Variants in ACSM5 observed in about 807,000 individuals in gnomAD.
The protein encoded by ACSM5 is acyl-coenzyme A synthetase ACSM5, mitochondrial.
A neutral mutation model predicts 71.6 loss-of-function variants in ACSM5; 56 were observed. That is an observed-to-expected ratio of 0.78 (90% CI 0.63 to 0.98). ACSM5 has a LOEUF of 0.98. ACSM5 is among the 50% of genes least tolerant of loss of function. The pLI is 0.00. For synonymous variants in ACSM5, 285 were observed against 281.5 expected (o/e 1.01, Z -0.12); for missense variants, 723 against 726.0 (o/e 1.00, Z 0.05).
chr16:20,431,099 A>C, intron 9 of ACSM5, 26 bp downstream of exon 9: 1 of 1,608,678 alleles, frequency 6.2e-7, no homozygotes, highest in Non-Finnish European at 8.5e-7. Flanking sequence ...AACTTCTGGC[A>C]AGGCCTGGCA....
At chr16:20,424,163 C>T in intron 6 of ACSM5, 94 bp downstream of exon 6, 1 of 1,479,378 alleles carries the variant, frequency 6.8e-7, no homozygotes, top group Non-Finnish European at 9.1e-7. Flanking sequence ...ACACATAAAT[C>T]AGTGAATTTA....
At chr16:20,430,299 C>T (rs1443716608) in intron 8 of ACSM5, among the ~76,000 whole-genome samples, 3 of 151,430 alleles carry the variant, frequency 2.0e-5, no homozygotes, top group African/African-American at 4.9e-5. Context: ...ACCAGCAAAC[C>T]AGCCCTCACT....
In ACSM5 at chr16:20,437,189, T is replaced by C. The variant is rs1035897236; in HGVS notation, c.1436+10T>C. On this transcript the variant is annotated intron_variant, in intron 11 of 13. Coordinates refer to ENST00000331849, the MANE Select transcript of ACSM5 (RefSeq NM_017888.3). ...TGATCAATTCTTCAAGGTCAAGCTG[T>C]CTGCACTTTCCTCCTTCCTTTGAAA... 6.2e-7 allele frequency: 1 copy of C among 1,614,172 alleles called. No homozygotes were observed. The highest frequency in any genetic ancestry group is 8.5e-7 in the Non-Finnish European group (1 of 1,180,002).
At chr16:20,429,450 T>A (rs1967051007) in intron 7 of ACSM5, among the ~76,000 whole-genome samples, 1 of 152,206 alleles carries the variant, frequency 6.6e-6, no homozygotes, top group Non-Finnish European at 1.5e-5. Flanking sequence ...ACCTATTATA[T>A]GAGCTTCTGA....
In ACSM5 at chr16:20,440,721, T is replaced by C; in HGVS notation, c.*294T>C. ...ACTGGTCTCACTAAGAGCTTTCAGA[T>C]TTCCCTCCATAGGACAGGTTACCAT... On this transcript the variant is annotated 3_prime_UTR_variant, in exon 14 of 14. Transcript: ENST00000331849. 1 of 301,760 alleles carries C rather than the reference T, an allele frequency of 3.3e-6. No homozygotes were observed. Among genetic ancestry groups the C allele is most frequent in the Non-Finnish European group, 6.4e-6 (1 of 155,130 alleles). The allele number at this position is 301,760 out of a possible 1,614,324, so 18.7% of individuals were successfully genotyped here.
intron 10 of ACSM5, among the ~76,000 whole-genome samples, chr16:20,434,219 T>C (rs1001381271): frequency 1.3e-5 from 2 of 152,222 alleles, no homozygotes; most frequent in African/African-American, 4.8e-5. Context: ...ACATATTCAA[T>C]AGTTTCTTCC....
chr16:20,423,907 T>A lies in ACSM5; in HGVS notation c.768-9T>A, dbSNP rs1269957197. On this transcript the variant is annotated splice_polypyrimidine_tract_variant and intron_variant, in intron 5 of 13. Transcript: ENST00000331849. The stretch of plus-strand genomic sequence containing the variant: ...GCCAAGGTTACTGACGTTCTCTAAT[T>A]TTTGGCAGACGGTGGGTGGCCTTGA... 3.1e-6 allele frequency: 5 copies of A among 1,613,722 alleles called. No homozygotes were observed. Among genetic ancestry groups the A allele is most frequent in the Non-Finnish European group, 4.2e-6 (5 of 1,179,910 alleles).
At chr16:20,434,431 C>A (rs1428476490) in intron 10 of ACSM5, among the ~76,000 whole-genome samples, 1 of 152,132 alleles carries the variant, frequency 6.6e-6, no homozygotes, top group African/African-American at 2.4e-5. Context: ...TGGTTGCTCA[C>A]GACTGTAATC....
chr16:20,416,807 G>A (rs192990009), intron 2 of ACSM5, among the ~76,000 whole-genome samples: 277 of 152,120 alleles, frequency 1.8e-3, no homozygotes, highest in African/African-American at 6.2e-3. Flanking sequence ...TATTGGTTAA[G>A]GGTCTAGTAT....
intron 10 of ACSM5, 91 bp downstream of exon 10, chr16:20,431,412 T>C: frequency 2.0e-6 from 2 of 1,024,702 alleles, no homozygotes; most frequent in Admixed American, 1.8e-5. Context: ...GTTTAATCCT[T>C]ACAATGACTG....
In ACSM5 at chr16:20,428,868, T is replaced by C. The variant is rs549583763; in HGVS notation, c.1002-810T>C. ...TGTACTTGCAGTCACTGTTCTTTTT[T>C]ATAATTTGGATGATTTGTTGAACAG... On this transcript the variant is annotated intron_variant, in intron 7 of 13. Coordinates refer to ENST00000331849, the MANE Select transcript of ACSM5 (RefSeq NM_017888.3). Among the ~76,000 whole-genome samples the C allele has an allele frequency of 7.2e-5, 11 of 152,326 alleles. No individual in the cohort carries two copies. The South Asian group carries it at 2.3e-3, about 32-fold the overall frequency.
chr16:20,422,899 A>G, intron 5 of ACSM5, among the ~76,000 whole-genome samples: 1 of 152,194 alleles, frequency 6.6e-6, no homozygotes, highest in Non-Finnish European at 1.5e-5. Context: ...AACTGGAAGC[A>G]CTAAATGATG....
chr16:20,418,225 G>A lies in ACSM5; in HGVS notation c.371G>A (p.Arg124Gln), dbSNP rs146312585. ...GACAGAATGATGCTGGTACTCCCAC[G>A]GCTCCCGGAGTGGTGGCTGGTCAGT... Reference protein sequence around the residue: ...PGDRMMLVLPRLPEWWLVSVA... With the variant: ...PGDRMMLVLPQLPEWWLVSVA... The change falls in exon 3 of 14, where the codon CGG becomes CAG. Residue 124 changes from arginine (R) to glutamine (Q), a missense_variant. Transcript: ENST00000331849. The A allele has an allele frequency of 5.0e-6, 8 of 1,612,326 alleles. No individual in the cohort carries two copies. The highest frequency in any genetic ancestry group is 4.4e-5 in the South Asian group (4 of 90,984).
intron 6 of ACSM5, among the ~76,000 whole-genome samples, chr16:20,427,041 AC>A: frequency 6.6e-6 from 1 of 151,500 alleles, no homozygotes; most frequent in South Asian, 2.1e-4. Context: ...AGTGGTTCAT[AC>A]CTGTAATCCC....
intron 5 of ACSM5, among the ~76,000 whole-genome samples, chr16:20,421,877 A>G (rs1966888555): frequency 6.7e-6 from 1 of 150,278 alleles, no homozygotes; most frequent in South Asian, 2.1e-4. Context: ...CTCTCCCCTC[A>G]CCCCTGGTAA....
intron 3 of ACSM5, 124 bp downstream of exon 3, chr16:20,418,393 A>G (rs1966862933): frequency 5.0e-6 from 5 of 995,726 alleles, no homozygotes; most frequent in Admixed American, 2.9e-5. Flanking sequence ...TTTACTTCCT[A>G]TTTGCCTAAC....
intron 5 of ACSM5, among the ~76,000 whole-genome samples, chr16:20,421,640 TATATATATATATATATAC>T (rs1207674480): frequency 7.5e-6 from 1 of 133,682 alleles, no homozygotes; most frequent in African/African-American, 3.0e-5. Flanking sequence ...TATATATATA[TATATATATATATATATAC>T]ACACACACAT....
chr16:20,436,325 C>T (rs1336886350), intron 10 of ACSM5, among the ~76,000 whole-genome samples: 1 of 149,178 alleles, frequency 6.7e-6, no homozygotes, highest in Non-Finnish European at 1.5e-5. Context: ...GTAGCCCAGG[C>T]TGCAGTGCAG....
chr16:20,417,161 T>TAG (rs1966858310), intron 2 of ACSM5, among the ~76,000 whole-genome samples: 1 of 152,026 alleles, frequency 6.6e-6, no homozygotes, highest in Admixed American at 6.6e-5. Context: ...AAAGTTAACA[T>TAG]AGAGTTATTA....
Sources: allele counts gnomAD v4.1 joint callset (sites outside exome capture counted in the v4.1 genomes callset), GRCh38; gene constraint gnomAD v4.1.1; transcripts MANE v1.5; gene names NCBI Gene and HGNC (gene_info 2026-07-23, HGNC 2026-07-21).